Variants in TRAPPC10 observed in about 807,000 individuals in gnomAD.
TRAPPC10 encodes TRAPP 130 kDa subunit.
A neutral mutation model predicts 125.5 loss-of-function variants in TRAPPC10; 23 were observed. That is an observed-to-expected ratio of 0.18 (90% confidence interval 0.13 to 0.26). The LOEUF is 0.26. Ranked by LOEUF, TRAPPC10 falls within the 10% of genes least tolerant of loss-of-function variation. TRAPPC10 has a pLI of 1.00. For synonymous variants in TRAPPC10, 509 were observed against 518.0 expected, an observed-to-expected ratio of 0.98 and a Z score of 0.24; for missense variants, 1,123 against 1,308.4, an observed-to-expected ratio of 0.86 and a Z score of 2.19.
At chr21:44,084,071 A>C in intron 14 of TRAPPC10, 51 bp from the exon 15 acceptor site, 1 of 1,609,070 alleles carries the variant, frequency 6.2e-7, no homozygotes, top group Non-Finnish European at 8.5e-7. Context: ...GCAGGAAGCT[A>C]ACTGCAAAAC....
chr21:44,022,103 CTTTT>C (rs1392421861), intron 1 of TRAPPC10, among the ~76,000 whole-genome samples: 10 of 111,334 alleles, frequency 9.0e-5, no homozygotes, highest in Middle Eastern at 4.2e-3. Context: ...TTCTTTCTTT[CTTTT>C]GTTTTTGTTT....
At chr21:44,049,363 T>A (rs2035078964) in intron 3 of TRAPPC10, among the ~76,000 whole-genome samples, 1 of 152,214 alleles carries the variant, frequency 6.6e-6, no homozygotes, top group Non-Finnish European at 1.5e-5. Flanking sequence ...GTGTTTCTGA[T>A]GGGAGTAATC....
intron 1 of TRAPPC10, among the ~76,000 whole-genome samples, chr21:44,023,471 T>C (rs2032760922): frequency 6.6e-6 from 1 of 152,194 alleles, no homozygotes; most frequent in Non-Finnish European, 1.5e-5. Context: ...GTCCATTGCA[T>C]TGTTGCCTCG....
chr21:44,054,511 A>G (rs1192663744), intron 4 of TRAPPC10, among the ~76,000 whole-genome samples: 1 of 152,224 alleles, frequency 6.6e-6, no homozygotes, highest in Non-Finnish European at 1.5e-5. Flanking sequence ...CATAGAATCA[A>G]TGTTTTAAAA....
chr21:44,077,563 C>T (rs1193817434), intron 10 of TRAPPC10, 130 bp from the exon 11 acceptor site: 25 of 588,576 alleles, frequency 4.2e-5, no homozygotes, highest in Non-Finnish European at 6.9e-5. Context: ...CCAGCCTGGG[C>T]GATGGAGCAA....
intron 3 of TRAPPC10, among the ~76,000 whole-genome samples, chr21:44,048,136 G>A (rs978703605): frequency 1.3e-5 from 2 of 152,162 alleles, no homozygotes; most frequent in Non-Finnish European, 2.9e-5. Context: ...TCCAGCAATG[G>A]GTGGTTCCCG....
chr21:44,049,699 T>A (rs13050288), intron 3 of TRAPPC10, among the ~76,000 whole-genome samples: 3 of 152,130 alleles, frequency 2.0e-5, no homozygotes, highest in Non-Finnish European at 4.4e-5. Flanking sequence ...ACTGCTGAGC[T>A]CTGGTACCTG....
rs779083954 is a variant in TRAPPC10 at position 44,055,756 on chromosome 21, G to A, written c.541G>A (p.Ala181Thr). The change falls in exon 5 of 23, where the codon GCC becomes ACC. Residue 181 changes from alanine to threonine, a missense_variant. By Grantham distance (58) the Ala-to-Thr change is moderately conservative. This residue lies in a region of TRAPPC10 where 177 missense variants were observed against 228.9 expected (regional missense o/e 0.77). Transcript: ENST00000291574. ...DSSRTQESWN[A>T]FLTKLRTLLL... ...TTCTCGAACTCAGGAATCCTGGAATGCCTTCCTGACCAAACTCAGGACATT... is the reference window on the plus strand; with the variant it reads ...TTCTCGAACTCAGGAATCCTGGAATACCTTCCTGACCAAACTCAGGACATT... The A allele has an allele frequency of 1.2e-6, 2 of 1,613,400 alleles. No homozygotes were observed. Among genetic ancestry groups the A allele is most frequent in the East Asian group, 4.5e-5 (2 of 44,874 alleles).
chr21:44,077,679 T>C lies in TRAPPC10; in HGVS notation c.1378-14T>C. On this transcript the variant is annotated splice_polypyrimidine_tract_variant and intron_variant, in intron 10 of 22. Coordinates refer to ENST00000291574, the MANE Select transcript of TRAPPC10 (RefSeq NM_003274.5). ...AAAGTTCAAGTACATAATTGTGTTT[T>C]TACTTCCCCACAGGATTTGTCCCAT... 1.3e-6 allele frequency: 2 copies of C among 1,582,432 alleles called. No homozygotes were observed. The highest frequency in any genetic ancestry group is 1.7e-6 in the Non-Finnish European group (2 of 1,156,484).
chr21:44,055,938 C>G (rs748868422), intron 5 of TRAPPC10, 45 bp downstream of exon 5: 41 of 1,453,148 alleles, frequency 2.8e-5, no homozygotes, highest in Non-Finnish European at 3.7e-5. Context: ...CTCTCCTTCC[C>G]TCCTTTGTTC....
Position 44,074,890 on chromosome 21 carries a change from T to C in TRAPPC10, c.1186-149T>C, listed in dbSNP as rs1890881491. On this transcript the variant is annotated intron_variant, in intron 8 of 22. Transcript: ENST00000291574. ...CCTCACTGGGAGCTGTTGTGTAGGA[T>C]GTATTTTTGTATCCAGATTTGAGTC... The C allele has an allele frequency of 2.0e-5, 13 of 641,004 alleles. No individual in the cohort carries two copies. In the South Asian group the frequency reaches 2.5e-4, roughly 13 times the overall value. 39.7% of individuals were successfully genotyped at this position (641,004 alleles called of 1,614,324 possible).
intron 13 of TRAPPC10, among the ~76,000 whole-genome samples, chr21:44,081,286 G>A (rs903086844): frequency 3.3e-5 from 5 of 151,886 alleles, no homozygotes; most frequent in African/African-American, 1.2e-4. Context: ...TCCACCTCCT[G>A]TGTAGCTTGG....
intron 1 of TRAPPC10, among the ~76,000 whole-genome samples, chr21:44,012,830 G>T (rs1434873251): frequency 6.6e-6 from 1 of 151,920 alleles, no homozygotes; most frequent in Non-Finnish European, 1.5e-5. Context: ...CTCTGCCCGG[G>T]ACTGGGCGCG....
At chr21:44,017,111 T>C (rs946750537) in intron 1 of TRAPPC10, among the ~76,000 whole-genome samples, 1 of 152,234 alleles carries the variant, frequency 6.6e-6, no homozygotes, top group African/African-American at 2.4e-5. Flanking sequence ...TTGTTTCATA[T>C]TGAATTCTCA....
intron 1 of TRAPPC10, among the ~76,000 whole-genome samples, chr21:44,020,213 G>A (rs1431208376): frequency 2.0e-5 from 3 of 150,756 alleles, no homozygotes; most frequent in East Asian, 2.0e-4. Context: ...CTCCGACTCC[G>A]CCTCCTGGGT....
In TRAPPC10 at chr21:44,059,395, T is replaced by C. The variant is rs910222744; in HGVS notation, c.790+181T>C. ...AGGAAATGAAATGAGAATTAAGAAT[T>C]AGTCATTTTCACTTTTAGAAGAATC... is the stretch of plus-strand genomic sequence containing the variant. On this transcript the variant is annotated intron_variant, in intron 6 of 22. Coordinates refer to ENST00000291574, the MANE Select transcript of TRAPPC10 (RefSeq NM_003274.5). The surrounding 1 kb of genome is among the most constrained non-coding windows in gnomAD (Gnocchi z 4.4). 1.3e-5 allele frequency: 9 copies of C among 701,550 alleles called. No individual in the cohort carries two copies. Among genetic ancestry groups the C allele is most frequent in the African/African-American group, 1.1e-4 (6 of 55,846 alleles). 43.5% of individuals were successfully genotyped at this position (701,550 alleles called of 1,614,324 possible). A position where few individuals can be genotyped will look rare whatever the true frequency, so the allele number is the denominator to read the frequency against.
At chr21:44,080,313 A>G (rs1225365878) in intron 13 of TRAPPC10, among the ~76,000 whole-genome samples, 186 bp downstream of exon 13, 2 of 152,128 alleles carry the variant, frequency 1.3e-5, no homozygotes, top group African/African-American at 4.8e-5. Flanking sequence ...TCTAGACCAC[A>G]TTAGATCTTC....
intron 17 of TRAPPC10, chr21:44,088,179 A>G (rs2146171435): frequency 1.9e-6 from 1 of 537,992 alleles, no homozygotes; most frequent in East Asian, 3.2e-5. Context: ...AGTTTGCTGT[A>G]AGAGGTTAGG....
Position 44,063,710 on chromosome 21 carries a change from G to T in TRAPPC10, c.963G>T (p.Leu321=), listed in dbSNP as rs765922350. ...FSRQCTLLLF[L]QRPWEVAQRA... The stretch of plus-strand genomic sequence containing the variant: ...GCCAGTGCACCTTGCTGCTCTTCCT[G>T]CAGAGGCCGTGGGAGGTGGCCCAGC... Residue 321 remains leucine, a synonymous_variant, in exon 7 of 23, where the codon CTG becomes CTT. Coordinates refer to ENST00000291574, the MANE Select transcript of TRAPPC10 (RefSeq NM_003274.5). The surrounding 1 kb of genome is among the most constrained non-coding windows in gnomAD (Gnocchi z 4.4). 1 of 1,614,190 alleles carries T rather than the reference G, an allele frequency of 6.2e-7. No homozygotes were observed. Among genetic ancestry groups the T allele is most frequent in the Non-Finnish European group, 8.5e-7 (1 of 1,180,030 alleles).
Sources: gnomAD v4.1 joint callset for allele counts (sites outside exome capture counted in the v4.1 genomes callset) on GRCh38, gnomAD v4.1.1 for gene constraint, gnomAD v4.1.1 regional missense constraint, Gnocchi (gnomAD v3.1) non-coding constraint, MANE v1.5 for transcripts, NCBI Gene and HGNC (gene_info 2026-07-23, HGNC 2026-07-21) for gene names.